The following GAPDHS variants were observed in gnomAD, a reference collection of about 807,000 sequenced individuals.
GAPDHS encodes glyceraldehyde-3-phosphate dehydrogenase, spermatogenic, also known as glyceraldehyde-3-phosphate dehydrogenase, testis-specific.
GAPDHS carries 42 observed loss-of-function variants against 48.7 expected under a neutral mutation model. That is an observed-to-expected ratio of 0.86 (90% CI 0.67 to 1.12). The LOEUF is 1.12. GAPDHS is among the 50% of genes most tolerant of loss of function. The pLI, the probability that GAPDHS is intolerant of heterozygous loss-of-function variation, is 0.00. For synonymous variants in GAPDHS, 166 were observed against 219.1 expected (o/e 0.76, Z 2.14); for missense variants, 512 against 557.7 (o/e 0.92, Z 0.82).
At position 35,545,082 on chromosome 19, in the gene GAPDHS, G is replaced by T. The variant is rs752181279; in HGVS notation, c.1155-16G>T. 4.3e-6 allele frequency: 7 copies of T among 1,613,066 alleles called. No homozygotes were observed. Among genetic ancestry groups the T allele is most frequent in the Non-Finnish European group, 5.9e-6 (7 of 1,179,148 alleles). ...CGGAAGGAACCCCCTTGAACCTCCC[G>T]ACCCCTCCTCCACAGGTACGACAAC... On this transcript the variant is annotated splice_polypyrimidine_tract_variant and intron_variant, in intron 10 of 10. Transcript: ENST00000222286.
Position 35,543,385 on chromosome 19 carries a change from C to A in GAPDHS, c.787C>A (p.Pro263Thr). The A allele has an allele frequency of 6.2e-7, 1 of 1,612,746 alleles. No individual in the cohort carries two copies. The highest frequency in any genetic ancestry group is 8.5e-7 in the Non-Finnish European group (1 of 1,179,576). ...YTATQKTVDG[P>T]SRKAWRDGRG... ...GGCCACCCAGAAGACAGTGGACGGG[C>A]CATCAAGGAAGGCCTGGCGAGATGG... The change falls in exon 8 of 11, where the codon CCA becomes ACA. Residue 263 changes from proline (P) to threonine (T), a missense_variant. By Grantham distance (38) the Pro-to-Thr change is conservative (BLOSUM62 -1). Coordinates refer to ENST00000222286, the MANE Select transcript of GAPDHS (RefSeq NM_014364.5).
chr19:35,538,380 C>A lies in GAPDHS; in HGVS notation c.319C>A (p.Pro107Thr). 6.2e-7 allele frequency: 1 copy of A among 1,609,860 alleles called. No individual in the cohort carries two copies. The highest frequency in any genetic ancestry group is 8.5e-7 in the Non-Finnish European group (1 of 1,176,234). The change falls in exon 3 of 11, where the codon CCA (proline) becomes ACA (threonine). Residue 107 changes from proline to threonine, a missense_variant. Coordinates refer to ENST00000222286, the MANE Select transcript of GAPDHS (RefSeq NM_014364.5). ...KGVKVVAVND[P>T]FIDPEYMVYM... Reference sequence around the variant, plus strand: ...TGTTAAGGTGGTGGCTGTGAATGATCCATTCATTGACCCGGAATACATGGT... The same window carrying A: ...TGTTAAGGTGGTGGCTGTGAATGATACATTCATTGACCCGGAATACATGGT...
chr19:35,538,209 T>C, intron 2 of GAPDHS, 98 bp from the exon 3 acceptor site: 1 of 799,252 alleles, frequency 1.3e-6, no homozygotes, highest in South Asian at 1.6e-5. Context: ...GTTGTTGCCT[T>C]CTTCCCCTGG....
Position 35,538,572 on chromosome 19 carries a change from C to G in GAPDHS, c.343-5C>G, listed in dbSNP as rs1383972925. ...CAAGACTAGGAGCCATTCCATCCCC[C>G]ACAGGTGTACATGTTTAAGTATGAC... On this transcript the variant is annotated splice_polypyrimidine_tract_variant and splice_region_variant and intron_variant, in intron 3 of 10. Transcript: ENST00000222286. 3.2e-6 allele frequency: 5 copies of G among 1,569,668 alleles called. No individual in the cohort carries two copies. In the African/African-American group the frequency reaches 4.1e-5, roughly 13 times the overall value.
Position 35,538,386 on chromosome 19 carries a change from A to T in GAPDHS, c.325A>T (p.Ile109Phe), listed in dbSNP as rs561383656. ...GGTGGTGGCTGTGAATGATCCATTC[A>T]TTGACCCGGAATACATGGTCAGTAG... is the stretch of plus-strand genomic sequence containing the variant. Reference protein sequence around the residue: ...VKVVAVNDPFIDPEYMVYMFK... With the variant: ...VKVVAVNDPFFDPEYMVYMFK... The change falls in exon 3 of 11, where the codon ATT (isoleucine) becomes TTT (phenylalanine). Residue 109 changes from isoleucine (I) to phenylalanine (F), a missense_variant. Coordinates refer to ENST00000222286, the MANE Select transcript of GAPDHS (RefSeq NM_014364.5). 4 of 1,492,144 alleles carry T rather than the reference A, an allele frequency of 2.7e-6. No homozygotes were observed. The highest frequency in any genetic ancestry group is 3.6e-6 in the Non-Finnish European group (4 of 1,101,104). 92.4% of individuals were successfully genotyped at this position (1,492,144 alleles called of 1,614,324 possible).
chr19:35,534,471 G>A (rs971289253), intron 1 of GAPDHS, among the ~76,000 whole-genome samples: 11 of 152,108 alleles, frequency 7.2e-5, no homozygotes, highest in Non-Finnish European at 1.5e-4. Flanking sequence ...CATGCCTCTC[G>A]GGATTCAGTG....
chr19:35,542,603 T>G lies in GAPDHS; in HGVS notation c.654T>G (p.Ile218Met), dbSNP rs1179087691. The change falls in exon 6 of 11, where the codon ATT becomes ATG. Residue 218 changes from isoleucine to methionine, a missense_variant. Coordinates refer to ENST00000222286, the MANE Select transcript of GAPDHS (RefSeq NM_014364.5). ...ENDYNPGSMN[I>M]VSNASCTTNC... Reference sequence around the variant, plus strand: ...ACTATAACCCTGGCTCCATGAACATTGTGAGGTAATGTGGGCAGTGACATC... The same window carrying G: ...ACTATAACCCTGGCTCCATGAACATGGTGAGGTAATGTGGGCAGTGACATC... The G allele has an allele frequency of 6.3e-7, 1 of 1,588,816 alleles. No homozygotes were observed. The highest frequency in any genetic ancestry group is 8.6e-7 in the Non-Finnish European group (1 of 1,157,100).
rs1278956335 is a variant in GAPDHS, at chr19:35,538,667, ATC to A, written c.437_438del (p.Ser146CysfsTer62). 2.5e-6 allele frequency: 4 copies of A among 1,587,280 alleles called. No homozygotes were observed. The highest frequency in any genetic ancestry group is 2.7e-5 in the African/African-American group (2 of 74,366). On this transcript the variant is annotated frameshift_variant, in exon 4 of 11. Coordinates refer to ENST00000222286, the MANE Select transcript of GAPDHS (RefSeq NM_014364.5). LOFTEE classifies it high-confidence loss of function. ...NGQLVVDNHE[I>X]SVYQCKEPKQ... Reference sequence around the variant, plus strand: ...ACAACTGGTCGTGGACAACCATGAGATCTCTGTCTACCAGTGGTAAGGAAAGC... The same window carrying A: ...ACAACTGGTCGTGGACAACCATGAGATCTGTCTACCAGTGGTAAGGAAAGC...
chr19:35,545,108 G>A lies in GAPDHS; in HGVS notation c.1165G>A (p.Glu389Lys), dbSNP rs367693495. ...FVKLISWYDN[E>K]YGYSHRVVDL... is the part of the protein sequence containing the mutation. ...ACCCCTCCTCCACAGGTACGACAAC[G>A]AATATGGCTACAGTCACCGGGTGGT... Residue 389 changes from glutamate to lysine, a missense_variant, in exon 11 of 11, where the codon GAA becomes AAA. Transcript: ENST00000222286. 2.5e-6 allele frequency: 4 copies of A among 1,614,068 alleles called. No homozygotes were observed. The highest frequency in any genetic ancestry group is 3.4e-6 in the Non-Finnish European group (4 of 1,179,924).
chr19:35,541,035 C>T (rs1434247468), intron 4 of GAPDHS: 1 of 152,226 alleles, frequency 6.6e-6, no homozygotes, highest in Non-Finnish European at 1.5e-5. Flanking sequence ...ACCCCAACTA[C>T]TCGGGAGGCG....
chr19:35,543,583 C>A, intron 8 of GAPDHS, 82 bp from the exon 9 acceptor site: 1 of 1,578,962 alleles, frequency 6.3e-7, no homozygotes, highest in Non-Finnish European at 8.6e-7. Context: ...AAAGCAGGGG[C>A]CTGGCCCAGC....
chr19:35,536,513 T>C (rs1342750125), intron 1 of GAPDHS, among the ~76,000 whole-genome samples: 3 of 151,246 alleles, frequency 2.0e-5, no homozygotes, highest in Non-Finnish European at 4.4e-5. Context: ...GAGGCGGAGG[T>C]TGCAGTAAGC....
intron 4 of GAPDHS, among the ~76,000 whole-genome samples, chr19:35,538,926 T>G (rs2071483429): frequency 6.6e-6 from 1 of 152,166 alleles, no homozygotes; most frequent in Non-Finnish European, 1.5e-5. Flanking sequence ...CTTTATATTT[T>G]TTTTAGGGAC....
intron 9 of GAPDHS, chr19:35,544,328 G>A (rs1173156841): frequency 6.0e-6 from 1 of 165,676 alleles, no homozygotes; most frequent in Non-Finnish European, 1.3e-5. Flanking sequence ...AGGAGTGGAT[G>A]CCATGGTCAT....
At position 35,538,915 on chromosome 19, in the gene GAPDHS, T is replaced by A. The variant is rs573476603; in HGVS notation, c.449+232T>A. Reference sequence around the variant, plus strand: ...CCTCACTGTACTGAAGAATGCTTTTTCTTTATATTTTTTTTAGGGACGGGG... The same window carrying A: ...CCTCACTGTACTGAAGAATGCTTTTACTTTATATTTTTTTTAGGGACGGGG... On this transcript the variant is annotated intron_variant, in intron 4 of 10. Coordinates refer to ENST00000222286, the MANE Select transcript of GAPDHS (RefSeq NM_014364.5). Among the ~76,000 whole-genome samples the A allele has an allele frequency of 1.8e-4, 27 of 152,316 alleles. No individual in the cohort carries two copies. In the East Asian group the frequency reaches 4.8e-3, roughly 27 times the overall value.
chr19:35,538,508 C>T, intron 3 of GAPDHS, 69 bp from the exon 4 acceptor site: 1 of 1,271,012 alleles, frequency 7.9e-7, no homozygotes, highest in Admixed American at 1.8e-5. Context: ...AGACCTTCAC[C>T]AAAGAGGGGA....
chr19:35,545,251 G>T lies in GAPDHS; in HGVS notation c.*81G>T. On this transcript the variant is annotated 3_prime_UTR_variant, in exon 11 of 11. Coordinates refer to ENST00000222286, the MANE Select transcript of GAPDHS (RefSeq NM_014364.5). ...CGTTCCAGCATCTGGCTGCCCGGGG[G>T]AGGAAGGACACCCGGGGCGGGCGCC... 8.4e-7 allele frequency: 1 copy of T among 1,196,740 alleles called. No individual in the cohort carries two copies. The highest frequency in any genetic ancestry group is 1.5e-5 in the African/African-American group (1 of 67,028). The allele number at this position is 1,196,740 out of a possible 1,614,324, so 74.1% of individuals were successfully genotyped here.
At position 35,543,000 on chromosome 19, in the gene GAPDHS, C is replaced by A. The variant is rs139205650; in HGVS notation, c.715C>A (p.Arg239=). Residue 239 remains arginine (R), a synonymous_variant, in exon 7 of 11, where the codon CGA becomes AGA. Transcript: ENST00000222286. ...TCCCCTCGCCAAAGTCATCCACGAGCGATTTGGGATCGTGGAAGGGTTGAT... is the reference window on the plus strand; with the variant it reads ...TCCCCTCGCCAAAGTCATCCACGAGAGATTTGGGATCGTGGAAGGGTTGAT... ...LAPLAKVIHE[R]FGIVEGLMTT... is the part of the protein sequence containing the mutation. 1.9e-6 allele frequency: 3 copies of A among 1,613,720 alleles called. No individual in the cohort carries two copies. Among genetic ancestry groups the A allele is most frequent in the African/African-American group, 1.3e-5 (1 of 75,010 alleles).
At chr19:35,542,102 C>T (rs1246623359) in intron 4 of GAPDHS, 1 of 575,384 alleles carries the variant, frequency 1.7e-6, no homozygotes, top group Admixed American at 3.0e-5. Context: ...AGGGGTGGTG[C>T]AATCAGCAAA....
Sources: allele counts gnomAD v4.1 joint callset (sites outside exome capture counted in the v4.1 genomes callset), GRCh38; gene constraint gnomAD v4.1.1; transcripts MANE v1.5; gene names NCBI Gene and HGNC (gene_info 2026-07-23, HGNC 2026-07-21).